Variants in ANXA10 observed in about 807,000 individuals in gnomAD.
ANXA10 encodes annexin 14.
In ANXA10, 49 loss-of-function variants were observed where a neutral mutation model predicts 53.5. The observed-to-expected ratio is 0.92, with a 90% CI of 0.73 to 1.16. ANXA10 has a LOEUF of 1.16. ANXA10 is among the 50% of genes most tolerant of loss of function. ANXA10 has a pLI of 0.00. For synonymous variants in ANXA10, 131 were observed against 128.9 expected, an observed-to-expected ratio of 1.02 and a Z score of -0.11; for missense variants, 393 against 394.4, an observed-to-expected ratio of 1.00 and a Z score of 0.03.
At chr4:168,126,507 T>G (rs1258896649) in intron 1 of ANXA10, among the ~76,000 whole-genome samples, 1 of 152,176 alleles carries the variant, frequency 6.6e-6, no homozygotes, top group Non-Finnish European at 1.5e-5. Flanking sequence ...AACTCTATCT[T>G]TTGCATCTCA....
chr4:168,119,526 T>C (rs1730952631), intron 1 of ANXA10, among the ~76,000 whole-genome samples: 1 of 152,180 alleles, frequency 6.6e-6, no homozygotes, highest in African/African-American at 2.4e-5. Context: ...ATGTTTATGC[T>C]ACATGGTTTA....
At position 168,184,618 on chromosome 4, in the gene ANXA10, C is replaced by T; in HGVS notation, c.843C>T (p.Asp281=). 1 of 1,613,884 alleles carries T rather than the reference C, an allele frequency of 6.2e-7. No individual in the cohort carries two copies. Among genetic ancestry groups the T allele is most frequent in the Non-Finnish European group, 8.5e-7 (1 of 1,179,854 alleles). Residue 281 remains aspartate, a synonymous_variant, in exon 11 of 12, where the codon GAC becomes GAT. Coordinates refer to ENST00000359299, the MANE Select transcript of ANXA10 (RefSeq NM_007193.5). The part of the protein sequence containing the change: ...IRILIARSEI[D]LLTIRKRYKE... ...TTCTCATTGCCAGAAGTGAAATAGACCTGCTGACCATAAGGAAACGATACA... is the reference window on the plus strand; with the variant it reads ...TTCTCATTGCCAGAAGTGAAATAGATCTGCTGACCATAAGGAAACGATACA...
At chr4:168,160,199 T>TGTTCTCCC (rs1731758194) in intron 3 of ANXA10, among the ~76,000 whole-genome samples, 1 of 152,104 alleles carries the variant, frequency 6.6e-6, no homozygotes, top group Admixed American at 6.6e-5. Context: ...TTCTTCCTGA[T>TGTTCTCCC]GTTCTCCCTC....
At chr4:168,153,422 C>CAAAAAAAAAAAAAAAAAAAAAAAAAAAA (rs61179704) in intron 3 of ANXA10, among the ~76,000 whole-genome samples, 8 of 43,514 alleles carry the variant, frequency 1.8e-4, no homozygotes, top group African/African-American at 5.6e-4. Flanking sequence ...AAGCCTAAAG[C>CAAAAAAAAAAAAAAAAAAAAAAAAAAAA]AAAAAAAAAA....
intron 9 of ANXA10, 73 bp from the exon 10 acceptor site, chr4:168,181,608 ATT>A: frequency 8.5e-7 from 1 of 1,171,028 alleles, no homozygotes; most frequent in Non-Finnish European, 1.3e-6. Flanking sequence ...GAAAAGTGTT[ATT>A]GTTTCTCAAA....
At chr4:168,141,948 T>A (rs1200629760) in intron 3 of ANXA10, among the ~76,000 whole-genome samples, 1 of 152,118 alleles carries the variant, frequency 6.6e-6, no homozygotes, top group African/African-American at 2.4e-5. Flanking sequence ...AGGGGTTGGA[T>A]ACGAATTCTA....
intron 9 of ANXA10, 146 bp from the exon 10 acceptor site, chr4:168,181,536 GC>G: frequency 1.4e-6 from 1 of 696,656 alleles, no homozygotes. Flanking sequence ...TTTTCCTGTG[GC>G]TTATAGTGTT....
intron 1 of ANXA10, among the ~76,000 whole-genome samples, chr4:168,093,110 G>A (rs1477333029): frequency 2.0e-5 from 3 of 151,914 alleles, no homozygotes; most frequent in East Asian, 1.9e-4. Context: ...TTGAAACAAC[G>A]TATTATCCCA....
chr4:168,101,585 C>G (rs543555851), intron 1 of ANXA10, among the ~76,000 whole-genome samples: 1 of 151,942 alleles, frequency 6.6e-6, no homozygotes, highest in South Asian at 2.1e-4. Context: ...CTTATTCCAG[C>G]CCTAGAATTA....
At position 168,092,635 on chromosome 4, in the gene ANXA10, A is replaced by G; in HGVS notation, c.-66A>G. On this transcript the variant is annotated 5_prime_UTR_variant, in exon 1 of 12. Coordinates refer to ENST00000359299, the MANE Select transcript of ANXA10 (RefSeq NM_007193.5). ...GTGAACCTTAATTCTTTCTGGCTTC[A>G]CAGTGAAACAAGTTTATGCAATCGA... The G allele has an allele frequency of 6.9e-7, 1 of 1,456,754 alleles. No homozygotes were observed. The highest frequency in any genetic ancestry group is 1.2e-5 in the South Asian group (1 of 82,438). 90.2% of individuals were successfully genotyped at this position (1,456,754 alleles called of 1,614,324 possible).
chr4:168,097,889 A>G (rs951539956), intron 1 of ANXA10, among the ~76,000 whole-genome samples: 1 of 152,146 alleles, frequency 6.6e-6, no homozygotes, highest in African/African-American at 2.4e-5. Context: ...AAAGTTCTTA[A>G]TTTATAATAG....
intron 3 of ANXA10, among the ~76,000 whole-genome samples, chr4:168,156,108 T>TATAATATATATTATATATAA (rs1553957710): frequency 2.4e-5 from 1 of 41,372 alleles, no homozygotes; most frequent in Non-Finnish European, 3.8e-5. Context: ...TATATAAATA[T>TATAATATATATTATATATAA]TATATTTATT....
At chr4:168,159,025 C>G (rs1402681029) in intron 3 of ANXA10, among the ~76,000 whole-genome samples, 1 of 152,162 alleles carries the variant, frequency 6.6e-6, no homozygotes, top group Non-Finnish European at 1.5e-5. Context: ...GAAGCAGATA[C>G]TGGTGCCATG....
intron 1 of ANXA10, among the ~76,000 whole-genome samples, chr4:168,110,444 C>CTT (rs70957898): frequency 0.014 from 1,846 of 127,546 alleles, 19 homozygotes; most frequent in Middle Eastern, 0.028. Flanking sequence ...TGTGTTAATT[C>CTT]TTTTTTTTTT....
intron 1 of ANXA10, among the ~76,000 whole-genome samples, chr4:168,111,084 T>C (rs570082597): frequency 1.3e-5 from 2 of 152,300 alleles, no homozygotes; most frequent in South Asian, 4.1e-4. Context: ...TACTAACCTA[T>C]CTAAAAACAT....
chr4:168,141,859 C>G (rs936756883), intron 3 of ANXA10, among the ~76,000 whole-genome samples: 1 of 152,088 alleles, frequency 6.6e-6, no homozygotes, highest in Non-Finnish European at 1.5e-5. Context: ...GCCGTAAGCC[C>G]TTGCCTTTTC....
intron 3 of ANXA10, among the ~76,000 whole-genome samples, chr4:168,142,024 G>A (rs755011693): frequency 1.9e-4 from 29 of 152,184 alleles, no homozygotes; most frequent in Non-Finnish European, 3.8e-4. Context: ...ATTGGTACTT[G>A]TGCCTATATA....
intron 3 of ANXA10, among the ~76,000 whole-genome samples, chr4:168,147,586 A>G (rs1461920232): frequency 1.2e-4 from 18 of 152,224 alleles, no homozygotes; most frequent in Admixed American, 1.2e-3. Context: ...ACAAATAAAC[A>G]TGAATACCAA....
intron 3 of ANXA10, among the ~76,000 whole-genome samples, chr4:168,159,223 C>T (rs181496354): frequency 1.8e-4 from 27 of 152,278 alleles, no homozygotes; most frequent in African/African-American, 6.5e-4. Context: ...GCAAACCAAC[C>T]TTGCATTCCT....
Sources: gnomAD v4.1 joint callset for allele counts (sites outside exome capture counted in the v4.1 genomes callset) on GRCh38, gnomAD v4.1.1 for gene constraint, MANE v1.5 for transcripts, NCBI Gene and HGNC (gene_info 2026-07-23, HGNC 2026-07-21) for gene names.